The following SEC24A variants were observed in gnomAD, a reference collection of about 807,000 sequenced individuals.
SEC24A encodes SEC24 homolog A, COPII component.
A neutral mutation model predicts 129.4 loss-of-function variants in SEC24A; 93 were observed. That is an observed-to-expected ratio of 0.72 (90% CI 0.61 to 0.85). SEC24A has a LOEUF of 0.85. Among genes scored for constraint, SEC24A ranks in the 40% least tolerant of loss-of-function variants. The pLI is 0.00. For missense variants in SEC24A, 1,264 were observed against 1,307.4 expected, an observed-to-expected ratio of 0.97 and a Z score of 0.51; for synonymous variants, 460 against 467.3, an observed-to-expected ratio of 0.98 and a Z score of 0.20.
intron 15 of SEC24A, among the ~76,000 whole-genome samples, chr5:134,703,428 C>T (rs944483855): frequency 6.6e-6 from 1 of 151,992 alleles, no homozygotes; most frequent in African/African-American, 2.4e-5. Context: ...CCACCATGTT[C>T]GGCTAATTTT....
intron 18 of SEC24A, among the ~76,000 whole-genome samples, chr5:134,709,985 C>T (rs150357711): frequency 1.3e-5 from 2 of 152,172 alleles, no homozygotes; most frequent in African/African-American, 2.4e-5. Context: ...CTGCAACCTC[C>T]GCCTACCGGG....
chr5:134,711,744 T>C (rs535935896), intron 18 of SEC24A, among the ~76,000 whole-genome samples: 2 of 145,218 alleles, frequency 1.4e-5, no homozygotes, highest in Non-Finnish European at 2.9e-5. Flanking sequence ...TTGGCCAGGC[T>C]GGTTTTGAAC....
intron 19 of SEC24A, among the ~76,000 whole-genome samples, chr5:134,715,851 TAA>T (rs34876785): frequency 0.065 from 9,070 of 140,416 alleles, 720 homozygotes; most frequent in African/African-American, 0.2. Context: ...CTTAAAGTAT[TAA>T]AAAAAAAAAA....
At chr5:134,701,009 C>T (rs190463119) in intron 15 of SEC24A, among the ~76,000 whole-genome samples, 450 of 150,250 alleles carry the variant, frequency 3.0e-3, no homozygotes, top group South Asian at 7.2e-3. Flanking sequence ...TGAGCCACCG[C>T]GCCTGGACTG....
At position 134,702,706 on chromosome 5, in the gene SEC24A, A is replaced by G. The variant is rs77668333; in HGVS notation, c.2267-1053A>G. The stretch of plus-strand genomic sequence containing the variant: ...ATCACATTAATTTAAACTTCTGCCT[A>G]TTCTACCTAGTATTCAGCAGACTGA... On this transcript the variant is annotated intron_variant, in intron 15 of 22. Coordinates refer to ENST00000398844, the MANE Select transcript of SEC24A (RefSeq NM_021982.3). Among the ~76,000 whole-genome samples the G allele has an allele frequency of 7.6e-3, 1,163 of 152,252 alleles. 13 individuals are homozygous for G. The highest frequency in any genetic ancestry group is 0.027 in the African/African-American group (1,106 of 41,552).
chr5:134,720,231 T>G (rs1273921843), intron 20 of SEC24A, among the ~76,000 whole-genome samples: 1 of 152,226 alleles, frequency 6.6e-6, no homozygotes, highest in Non-Finnish European at 1.5e-5. Context: ...TGTTTATCCC[T>G]TCTGCCATAT....
chr5:134,676,221 C>T (rs1171955257), intron 7 of SEC24A, 96 bp downstream of exon 7: 1 of 754,690 alleles, frequency 1.3e-6, no homozygotes, highest in African/African-American at 1.8e-5. Flanking sequence ...CTTATTGCAA[C>T]CTCTGCCCTC....
intron 8 of SEC24A, 111 bp downstream of exon 8, chr5:134,679,839 A>G: frequency 1.4e-6 from 1 of 715,094 alleles, no homozygotes; most frequent in Non-Finnish European, 2.0e-6. Flanking sequence ...ACCTCTAGTC[A>G]ATCCTTCCAC....
intron 4 of SEC24A, among the ~76,000 whole-genome samples, chr5:134,673,129 C>T (rs1230454127): frequency 6.8e-6 from 1 of 146,160 alleles, no homozygotes; most frequent in African/African-American, 2.5e-5. Context: ...GATCTTGGCT[C>T]ACTGCAACCT....
intron 15 of SEC24A, 123 bp downstream of exon 15, chr5:134,698,180 A>C (rs1751887266): frequency 1.3e-6 from 1 of 778,602 alleles, no homozygotes; most frequent in Non-Finnish European, 2.0e-6. Flanking sequence ...GGAATATGCA[A>C]TTAAGAGGAG....
rs1752680347 is a variant in SEC24A at position 134,723,567 on chromosome 5, A to G, written c.3064A>G (p.Thr1022Ala). 6.2e-7 allele frequency: 1 copy of G among 1,602,272 alleles called. No individual in the cohort carries two copies. Among genetic ancestry groups the G allele is most frequent in the African/African-American group, 1.3e-5 (1 of 74,688 alleles). The change falls in exon 22 of 23, where the codon ACA (threonine) becomes GCA (alanine). Residue 1022 changes from threonine to alanine, a missense_variant and splice_region_variant. Thr to Ala is a moderately conservative substitution (Grantham distance 58, BLOSUM62 0). Transcript: ENST00000398844. ...GGATATTGTTGGTTTTGGTTAACAG[A>G]CAGACCTTCCAGAACTTGATACACC... is the stretch of plus-strand genomic sequence containing the variant. ...QNYASIPQPM[T>A]DLPELDTPES...
At chr5:134,704,456 C>CATTTA (rs1752094308) in intron 16 of SEC24A, among the ~76,000 whole-genome samples, 4 of 152,028 alleles carry the variant, frequency 2.6e-5, no homozygotes, top group African/African-American at 4.8e-5. Context: ...CATTTGAATG[C>CATTTA]GATCCCTGTT....
At chr5:134,656,369 C>T (rs1318463164) in intron 1 of SEC24A, among the ~76,000 whole-genome samples, 2 of 152,056 alleles carry the variant, frequency 1.3e-5, no homozygotes, top group African/African-American at 2.4e-5. Context: ...TGAGCCACCG[C>T]GCCCAGCGCA....
chr5:134,707,821 G>C (rs1392560371), intron 17 of SEC24A, among the ~76,000 whole-genome samples: 1 of 151,954 alleles, frequency 6.6e-6, no homozygotes, highest in Non-Finnish European at 1.5e-5. Context: ...CTTCAATTAT[G>C]CTTTTTTTTT....
intron 18 of SEC24A, among the ~76,000 whole-genome samples, chr5:134,713,166 T>C (rs928764611): frequency 6.6e-6 from 1 of 151,840 alleles, no homozygotes; most frequent in Non-Finnish European, 1.5e-5. Context: ...CTCCTGACCT[T>C]GTGATCCACC....
At chr5:134,653,880 G>A (rs536212989) in intron 1 of SEC24A, among the ~76,000 whole-genome samples, 17 of 148,242 alleles carry the variant, frequency 1.1e-4, no homozygotes, top group African/African-American at 3.2e-4. Context: ...TAAATAGGCC[G>A]GGTGCAGTGG....
intron 11 of SEC24A, among the ~76,000 whole-genome samples, chr5:134,692,336 T>G (rs1580718197): frequency 6.6e-6 from 1 of 152,164 alleles, no homozygotes; most frequent in Non-Finnish European, 1.5e-5. Context: ...CGTGTACTAC[T>G]GCACCTGGCC....
chr5:134,665,506 G>A (rs1750630034), intron 2 of SEC24A, among the ~76,000 whole-genome samples: 1 of 151,354 alleles, frequency 6.6e-6, no homozygotes, highest in South Asian at 2.1e-4. Context: ...CAAAGTCCTG[G>A]TATTATAGAC....
At chr5:134,711,101 C>A (rs1752313454) in intron 18 of SEC24A, among the ~76,000 whole-genome samples, 1 of 151,776 alleles carries the variant, frequency 6.6e-6, no homozygotes, top group Admixed American at 6.6e-5. Flanking sequence ...GCACCACTGC[C>A]CTCCAGCCTG....
Sources: allele counts gnomAD v4.1 joint callset (sites outside exome capture counted in the v4.1 genomes callset), GRCh38; gene constraint gnomAD v4.1.1; transcripts MANE v1.5; gene names NCBI Gene and HGNC (gene_info 2026-07-23, HGNC 2026-07-21).